Variants in KCNU1 observed in about 807,000 individuals in gnomAD.
KCNU1 encodes potassium calcium-activated channel subfamily U member 1.
KCNU1 carries 93 observed loss-of-function variants against 126.8 expected under a neutral mutation model. The ratio of observed to expected loss-of-function variants is 0.73; its 90% CI spans 0.62 to 0.87. The LOEUF (loss-of-function observed/expected upper bound fraction) is 0.87. KCNU1 is among the 40% of genes least tolerant of loss of function. The pLI is 0.00. For missense variants in KCNU1, 1,330 were observed against 1,367.1 expected, an observed-to-expected ratio of 0.97 and a Z score of 0.43; for synonymous variants, 523 against 494.2, an observed-to-expected ratio of 1.06 and a Z score of -0.77.
chr8:36,911,406 T>C (rs1807870231), intron 22 of KCNU1, among the ~76,000 whole-genome samples: 1 of 152,222 alleles, frequency 6.6e-6, no homozygotes, highest in South Asian at 2.1e-4. Context: ...TTATCATTTT[T>C]GTTGTTATGA....
chr8:36,834,922 A>G, intron 12 of KCNU1, 54 bp downstream of exon 12: 1 of 1,135,232 alleles, frequency 8.8e-7, no homozygotes, highest in South Asian at 1.3e-5. Flanking sequence ...ATCTCTTTTA[A>G]AGTAATGCCC....
intron 24 of KCNU1, among the ~76,000 whole-genome samples, chr8:36,927,799 G>A (rs1429130655): frequency 6.6e-6 from 1 of 152,060 alleles, no homozygotes; most frequent in Admixed American, 6.6e-5. Context: ...CCAAGTTCCA[G>A]TAAATAAGAT....
At chr8:36,802,044 G>T (rs1329072572) in intron 2 of KCNU1, among the ~76,000 whole-genome samples, 2 of 150,938 alleles carry the variant, frequency 1.3e-5, no homozygotes, top group East Asian at 3.9e-4. Context: ...GGAAGGCGGA[G>T]GTTGCAGTGA....
chr8:36,909,272 C>T, intron 20 of KCNU1, 39 bp from the exon 21 acceptor site: 1 of 1,318,636 alleles, frequency 7.6e-7, no homozygotes, highest in Non-Finnish European at 1.1e-6. Flanking sequence ...TCTCATCTTG[C>T]TTATGAAAAT....
intron 10 of KCNU1, among the ~76,000 whole-genome samples, chr8:36,819,550 A>T (rs1804046347): frequency 6.6e-6 from 1 of 152,140 alleles, no homozygotes; most frequent in Non-Finnish European, 1.5e-5. Context: ...CTCTATTCAT[A>T]GTTAAATCTT....
chr8:36,886,624 T>C (rs969014547), intron 19 of KCNU1, among the ~76,000 whole-genome samples: 3 of 152,162 alleles, frequency 2.0e-5, no homozygotes, highest in African/African-American at 7.2e-5. Flanking sequence ...ATAAGACCCA[T>C]GTTTACCTTG....
intron 19 of KCNU1, among the ~76,000 whole-genome samples, chr8:36,872,496 T>C (rs137913072): frequency 2.2e-3 from 332 of 152,280 alleles, no homozygotes; most frequent in African/African-American, 7.6e-3. Context: ...CTCTGTGATG[T>C]TCATGCTCTG....
chr8:36,932,265 CTG>C (rs1416804105), intron 25 of KCNU1, among the ~76,000 whole-genome samples: 1 of 152,126 alleles, frequency 6.6e-6, no homozygotes, highest in Middle Eastern at 3.2e-3. Flanking sequence ...GCCCAGGAAA[CTG>C]TTGCTAGCAA....
At chr8:36,806,218 T>G (rs2130420817) in intron 4 of KCNU1, 51 bp from the exon 5 acceptor site, 22 of 1,208,136 alleles carry the variant, frequency 1.8e-5, no homozygotes, top group Non-Finnish European at 3.6e-6. Flanking sequence ...AGTGTTCACT[T>G]AAAATTCTTG....
chr8:36,913,478 T>G (rs927688404), intron 22 of KCNU1, among the ~76,000 whole-genome samples: 1 of 152,178 alleles, frequency 6.6e-6, no homozygotes, highest in African/African-American at 2.4e-5. Context: ...AAGTTGGGTT[T>G]GTTTGAATGG....
intron 18 of KCNU1, among the ~76,000 whole-genome samples, chr8:36,847,218 T>G (rs1278800047): frequency 6.6e-6 from 1 of 152,246 alleles, no homozygotes; most frequent in Non-Finnish European, 1.5e-5. Flanking sequence ...TAAATTTTTT[T>G]TCTGTTACTT....
At position 36,808,721 on chromosome 8, in the gene KCNU1, C is replaced by T. The variant is rs775207408; in HGVS notation, c.660C>T (p.Asn220=). ...CTCTTTGTCTCTCTTCCTCTAGTAA[C>T]TCAGTGAAGTTTTCCAAACTGCTGT... is the stretch of plus-strand genomic sequence containing the variant. The part of the protein sequence containing the change: ...LQILRAIKTS[N]SVKFSKLLSI... Residue 220 remains asparagine (N), a synonymous_variant, in exon 7 of 27, where the codon AAC becomes AAT. Transcript: ENST00000399881. 8.7e-6 allele frequency: 14 copies of T among 1,603,886 alleles called. No individual in the cohort carries two copies. Among genetic ancestry groups the T allele is most frequent in the African/African-American group, 8.0e-5 (6 of 74,728 alleles).
intron 22 of KCNU1, among the ~76,000 whole-genome samples, chr8:36,913,479 G>C (rs939086742): frequency 5.3e-5 from 8 of 152,102 alleles, no homozygotes; most frequent in Admixed American, 2.6e-4. Context: ...AGTTGGGTTT[G>C]TTTGAATGGG....
chr8:36,787,215 A>G, intron 1 of KCNU1, 91 bp from the exon 2 acceptor site: 1 of 1,157,016 alleles, frequency 8.6e-7, no homozygotes, highest in South Asian at 2.0e-5. Context: ...TTCGACTGAT[A>G]CCATCACAAG....
chr8:36,814,590 G>A (rs1464452623), intron 8 of KCNU1, among the ~76,000 whole-genome samples: 2 of 152,092 alleles, frequency 1.3e-5, no homozygotes, highest in African/African-American at 4.8e-5. Flanking sequence ...AGGGATGAAG[G>A]ATAGTAGGCA....
chr8:36,876,653 T>G (rs1005948909), intron 19 of KCNU1, among the ~76,000 whole-genome samples: 4 of 152,126 alleles, frequency 2.6e-5, no homozygotes, highest in Non-Finnish European at 4.4e-5. Context: ...CTCCTCCTCC[T>G]CCCACTTCTT....
At chr8:36,890,612 G>C (rs1404739254) in intron 19 of KCNU1, among the ~76,000 whole-genome samples, 1 of 151,926 alleles carries the variant, frequency 6.6e-6, no homozygotes, top group Non-Finnish European at 1.5e-5. Flanking sequence ...TAACAAATTA[G>C]AAAACAGTTA....
At chr8:36,926,373 A>G (rs755188076) in intron 24 of KCNU1, among the ~76,000 whole-genome samples, 8 of 152,138 alleles carry the variant, frequency 5.3e-5, no homozygotes, top group Non-Finnish European at 1.0e-4. Context: ...TCCTTCCCTG[A>G]CAATGTTCTG....
chr8:36,910,339 A>C (rs1166258501), intron 21 of KCNU1, among the ~76,000 whole-genome samples: 1 of 152,194 alleles, frequency 6.6e-6, no homozygotes, highest in Non-Finnish European at 1.5e-5. Flanking sequence ...GTTTCCCTGT[A>C]CTACCGCTCC....
Sources: allele counts gnomAD v4.1 joint callset (sites outside exome capture counted in the v4.1 genomes callset), GRCh38; gene constraint gnomAD v4.1.1; transcripts MANE v1.5; gene names NCBI Gene and HGNC (gene_info 2026-07-23, HGNC 2026-07-21).